Variants in COG6 observed in about 807,000 individuals in gnomAD.
COG6 encodes component of oligomeric golgi complex 6, also known as conserved oligomeric Golgi complex subunit 6.
A neutral mutation model predicts 88.8 loss-of-function variants in COG6; 74 were observed. That is an observed-to-expected ratio of 0.83 (90% confidence interval 0.69 to 1.01). The LOEUF (loss-of-function observed/expected upper bound fraction) is 1.01, where lower values mean the gene tolerates loss of function less well. COG6 is among the 50% of genes least tolerant of loss of function. COG6 has a pLI of 0.00. For synonymous variants in COG6, 286 were observed against 278.7 expected, an observed-to-expected ratio of 1.03 and a Z score of -0.26; for missense variants, 800 against 797.9, an observed-to-expected ratio of 1.00 and a Z score of -0.03.
At chr13:39,667,866 T>C (rs748308754) in intron 4 of COG6, among the ~76,000 whole-genome samples, 2 of 152,230 alleles carry the variant, frequency 1.3e-5, no homozygotes, top group Non-Finnish European at 2.9e-5. Flanking sequence ...TTTGATGATC[T>C]TTCCTGTTTT....
chr13:39,754,898 A>G (rs1049055930), downstream of COG6, among the ~76,000 whole-genome samples: 1 of 152,180 alleles, frequency 6.6e-6, no homozygotes, highest in Admixed American at 6.5e-5. Flanking sequence ...ATTCAGCCGG[A>G]TGTCCTTGGT....
chr13:39,718,887 T>C (rs919481866), intron 13 of COG6, among the ~76,000 whole-genome samples: 1 of 152,138 alleles, frequency 6.6e-6, no homozygotes, highest in Non-Finnish European at 1.5e-5. Context: ...AGTGCTGGTC[T>C]ATAGACTGCT....
At chr13:39,678,236 T>G (rs970795813) in intron 5 of COG6, 1 of 323,792 alleles carries the variant, frequency 3.1e-6, no homozygotes, top group African/African-American at 2.3e-5. Context: ...CCTGGCTGAT[T>G]TTTTAATTTT....
chr13:39,754,727 A>G (rs1238479675), downstream of COG6, among the ~76,000 whole-genome samples: 1 of 152,138 alleles, frequency 6.6e-6, no homozygotes, highest in Non-Finnish European at 1.5e-5. Context: ...AGGCTTTGTG[A>G]TAAGCATTTA....
chr13:39,788,383 G>T (rs1445717263), exon 19 of COG6: 2 of 1,550,800 alleles, frequency 1.3e-6, no homozygotes. Context: ...GCAGGACCTT[G>T]TGCTTCTGGA....
chr13:39,769,853 T>G (rs1049265460), intron 18 of COG6, among the ~76,000 whole-genome samples: 1 of 152,166 alleles, frequency 6.6e-6, no homozygotes, highest in African/African-American at 2.4e-5. Context: ...GGTCCCATCT[T>G]TGAAGCAGAG....
downstream of COG6, among the ~76,000 whole-genome samples, chr13:39,757,221 T>C (rs1415077187): frequency 2.0e-5 from 3 of 152,138 alleles, no homozygotes; most frequent in African/African-American, 7.2e-5. Context: ...AACAAGATGC[T>C]CTTAACCCAG....
chr13:39,680,405 T>G (rs1196928813), intron 7 of COG6, among the ~76,000 whole-genome samples: 1 of 152,204 alleles, frequency 6.6e-6, no homozygotes, highest in Non-Finnish European at 1.5e-5. Context: ...CTCTTGTTGT[T>G]TACATAACTG....
intron 18 of COG6, among the ~76,000 whole-genome samples, chr13:39,780,685 G>A (rs1179181301): frequency 6.6e-6 from 1 of 152,080 alleles, no homozygotes; most frequent in Non-Finnish European, 1.5e-5. Flanking sequence ...TTATTTTCAA[G>A]TTATAGCACA....
intron 13 of COG6, among the ~76,000 whole-genome samples, chr13:39,707,032 A>T (rs900544481): frequency 2.6e-5 from 4 of 152,050 alleles, no homozygotes; most frequent in Admixed American, 1.3e-4. Context: ...CAACTTTGTC[A>T]CTTAGAAAAT....
exon 19 of COG6, chr13:39,791,397 G>A (rs1482264094): frequency 6.6e-6 from 1 of 151,952 alleles, no homozygotes; most frequent in Non-Finnish European, 1.5e-5. Context: ...GAATGATCTA[G>A]GCATTGATTC....
At chr13:39,724,606 C>T (rs1474246310) in intron 17 of COG6, 45 bp downstream of exon 17, 25 of 1,360,224 alleles carry the variant, frequency 1.8e-5, no homozygotes, top group East Asian at 6.9e-5. Flanking sequence ...CCTTATGGAT[C>T]GATAGTCTTC....
At position 39,659,422 on chromosome 13, in the gene COG6, C is replaced by G. The variant is rs1285590979; in HGVS notation, c.212C>G (p.Thr71Ser). 1 of 1,613,376 alleles carries G rather than the reference C, an allele frequency of 6.2e-7. No homozygotes were observed. Among genetic ancestry groups the G allele is most frequent in the Non-Finnish European group, 8.5e-7 (1 of 1,179,650 alleles). ...TTTTTTGTTGAAAATAGTCTGCGGA[C>G]TCGAAGAAATTTACGTGGAGATATT... ...STFFVENSLR[T>S]RRNLRGDIER... Residue 71 changes from threonine (T) to serine (S), a missense_variant, in exon 2 of 19, where the codon ACT becomes AGT. By Grantham distance (58) the Thr-to-Ser change is moderately conservative. Transcript: ENST00000455146.
At chr13:39,656,315 T>C (rs756301348) in intron 1 of COG6, 1 of 410,674 alleles carries the variant, frequency 2.4e-6, no homozygotes. Context: ...AGAGCAGTGG[T>C]AGGGATAAGG....
intron 4 of COG6, among the ~76,000 whole-genome samples, chr13:39,674,073 A>T (rs987245877): frequency 6.6e-6 from 1 of 151,768 alleles, no homozygotes; most frequent in African/African-American, 2.4e-5. Flanking sequence ...AATTTTTTTT[A>T]AATTATACTT....
At chr13:39,771,588 G>T (rs531642084) in intron 18 of COG6, among the ~76,000 whole-genome samples, 2 of 152,308 alleles carry the variant, frequency 1.3e-5, no homozygotes, top group South Asian at 4.1e-4. Context: ...CTCTCATTTG[G>T]GCTGCTGCCT....
intron 18 of COG6, among the ~76,000 whole-genome samples, chr13:39,745,801 C>A (rs1465447356): frequency 6.6e-6 from 1 of 152,168 alleles, no homozygotes; most frequent in Admixed American, 6.5e-5. Flanking sequence ...TATTGAGGCA[C>A]TATTCACAAT....
At chr13:39,670,495 AT>A (rs1258375454) in intron 4 of COG6, among the ~76,000 whole-genome samples, 1 of 151,986 alleles carries the variant, frequency 6.6e-6, no homozygotes, top group Non-Finnish European at 1.5e-5. Context: ...TAGATTTTTG[AT>A]TTTGTACAGT....
rs771615743 is a variant in COG6, at chr13:39,687,436, C to T, written c.789-67C>T. On this transcript the variant is annotated intron_variant, in intron 8 of 18. Coordinates refer to ENST00000455146, the MANE Select transcript of COG6 (RefSeq NM_020751.3). The stretch of plus-strand genomic sequence containing the variant: ...AAGTACTTGGTTGTCTCAGAAATTG[C>T]GTGAATAGTCTGATATAGCCACTAG... 2.1e-4 allele frequency: 292 copies of T among 1,412,522 alleles called. 1 individual carries two copies. Among genetic ancestry groups the T allele is most frequent in the Non-Finnish European group, 2.7e-4 (269 of 997,558 alleles). The allele number at this position is 1,412,522 out of a possible 1,614,324, so 87.5% of individuals were successfully genotyped here.
Sources: allele counts gnomAD v4.1 joint callset (sites outside exome capture counted in the v4.1 genomes callset), GRCh38; gene constraint gnomAD v4.1.1; transcripts MANE v1.5; gene names NCBI Gene and HGNC (gene_info 2026-07-23, HGNC 2026-07-21).